Variants in SPATA22 observed in about 807,000 individuals in gnomAD.
SPATA22 encodes spermatogenesis-associated protein 22.
In SPATA22, 29 loss-of-function variants were observed where a neutral mutation model predicts 47.8. That is an observed-to-expected ratio of 0.61 (90% CI 0.45 to 0.83). The LOEUF (loss-of-function observed/expected upper bound fraction) is 0.83. Among genes scored for constraint, SPATA22 ranks in the 40% least tolerant of loss-of-function variants. The pLI, the probability that SPATA22 is intolerant of heterozygous loss-of-function variation, is 0.00. For synonymous variants in SPATA22, 133 were observed against 140.9 expected (o/e 0.94, Z 0.40); for missense variants, 410 against 421.7 (o/e 0.97, Z 0.24).
chr17:3,454,658 C>A (rs2072943395), intron 5 of SPATA22, among the ~76,000 whole-genome samples: 1 of 152,054 alleles, frequency 6.6e-6, no homozygotes, highest in Non-Finnish European at 1.5e-5. Flanking sequence ...CATAGTATTT[C>A]ATGGTGTATA....
chr17:3,466,219 T>G (rs2073310223), intron 3 of SPATA22, among the ~76,000 whole-genome samples: 1 of 150,720 alleles, frequency 6.6e-6, no homozygotes, highest in Non-Finnish European at 1.5e-5. Context: ...TCAGAGATAT[T>G]TTTAAATTCT....
At chr17:3,468,651 G>A (rs192008278) in intron 2 of SPATA22, among the ~76,000 whole-genome samples, 1 of 152,232 alleles carries the variant, frequency 6.6e-6, no homozygotes, top group Admixed American at 6.5e-5. Context: ...AGATTCCTAG[G>A]TTCAAATTCT....
chr17:3,510,675 G>C (rs1173726638), intron 1 of SPATA22: 1 of 152,224 alleles, frequency 6.6e-6, no homozygotes. Flanking sequence ...ATTCAAGGGA[G>C]AATGGGGTGA....
intron 1 of SPATA22, chr17:3,499,197 A>AC: frequency 8.5e-7 from 1 of 1,178,826 alleles, no homozygotes; most frequent in Non-Finnish European, 1.2e-6. Flanking sequence ...AGCTCCTAGC[A>AC]CAGTGCCTTA....
At chr17:3,511,502 CTCCT>C (rs1567625707) in intron 1 of SPATA22, 7 of 152,232 alleles carry the variant, frequency 4.6e-5, no homozygotes, top group Non-Finnish European at 4.4e-5. Context: ...GAAGGAAGTG[CTCCT>C]TTTCACTCTG....
intron 5 of SPATA22, among the ~76,000 whole-genome samples, chr17:3,452,803 T>C (rs2072894151): frequency 6.6e-6 from 1 of 152,034 alleles, no homozygotes; most frequent in African/African-American, 2.4e-5. Flanking sequence ...GATAAATACC[T>C]AGAAACAAGC....
intron 6 of SPATA22, 25 bp downstream of exon 6, chr17:3,448,782 C>A (rs2072786105): frequency 1.3e-6 from 2 of 1,499,214 alleles, no homozygotes; most frequent in Non-Finnish European, 1.8e-6. Context: ...GTAAATAAGT[C>A]ATTAATTTGT....
Position 3,457,032 on chromosome 17 carries a change from A to G in SPATA22, c.329+5451T>C, listed in dbSNP as rs540106150. Among the ~76,000 whole-genome samples the G allele has an allele frequency of 2.9e-3, 448 of 152,296 alleles. 2 individuals carry two copies. Among genetic ancestry groups the G allele is most frequent in the African/African-American group, 0.01 (429 of 41,556 alleles). On this transcript the variant is annotated intron_variant, in intron 5 of 8. Coordinates refer to ENST00000572969, the MANE Select transcript of SPATA22 (RefSeq NM_001170698.2). ...GCTAAAAACTCTCAATAAATTAGGT[A>G]TTGATGGGATGTATCTCAAAATAGT...
intron 1 of SPATA22, chr17:3,471,414 C>T (rs989250341): frequency 1.0e-4 from 99 of 984,438 alleles, no homozygotes; most frequent in Non-Finnish European, 4.1e-5. Context: ...ATCCTGAGGG[C>T]GGGGACCCTC....
At chr17:3,511,576 A>G (rs768368352) in intron 1 of SPATA22, 4 of 152,242 alleles carry the variant, frequency 2.6e-5, no homozygotes, top group Non-Finnish European at 5.9e-5. Flanking sequence ...GTTTTGGCTG[A>G]AAGCCTTTTG....
intron 5 of SPATA22, among the ~76,000 whole-genome samples, chr17:3,450,950 T>C (rs2072845019): frequency 6.6e-6 from 1 of 152,188 alleles, no homozygotes; most frequent in Non-Finnish European, 1.5e-5. Flanking sequence ...CTTTGACTTG[T>C]AAAGAATGCA....
chr17:3,462,156 CCTGT>C (rs2073138635), intron 5 of SPATA22, among the ~76,000 whole-genome samples: 1 of 152,118 alleles, frequency 6.6e-6, no homozygotes, highest in African/African-American at 2.4e-5. Flanking sequence ...AGATATGATT[CCTGT>C]CTATTGTCAA....
chr17:3,458,706 T>A (rs1422519715), intron 5 of SPATA22, among the ~76,000 whole-genome samples: 1 of 151,806 alleles, frequency 6.6e-6, no homozygotes. Flanking sequence ...CCAGGCATAG[T>A]GGCACATGCC....
At chr17:3,468,274 CTTAGGG>C (rs1392094872) in intron 2 of SPATA22, 1 of 152,148 alleles carries the variant, frequency 6.6e-6, no homozygotes, top group Non-Finnish European at 1.5e-5. Flanking sequence ...AACTTTGAAA[CTTAGGG>C]AACTCGAAGG....
intron 1 of SPATA22, among the ~76,000 whole-genome samples, chr17:3,483,818 C>G (rs560692881): frequency 7.2e-5 from 11 of 151,960 alleles, no homozygotes; most frequent in African/African-American, 2.7e-4. Flanking sequence ...ATGTGCCACC[C>G]TGTAATTTTT....
chr17:3,444,622 A>T (rs1037502085), intron 7 of SPATA22, among the ~76,000 whole-genome samples: 4 of 152,116 alleles, frequency 2.6e-5, no homozygotes, highest in African/African-American at 7.2e-5. Flanking sequence ...TCACTGTGCC[A>T]TCTCTTGAGC....
chr17:3,453,319 C>A (rs931067522), intron 5 of SPATA22, among the ~76,000 whole-genome samples: 1 of 152,098 alleles, frequency 6.6e-6, no homozygotes, highest in Non-Finnish European at 1.5e-5. Flanking sequence ...AAATTATACA[C>A]CATGATTAAC....
At chr17:3,455,378 T>C (rs1372735227) in intron 5 of SPATA22, among the ~76,000 whole-genome samples, 1 of 151,634 alleles carries the variant, frequency 6.6e-6, no homozygotes, top group Non-Finnish European at 1.5e-5. Flanking sequence ...CCCATGCCTA[T>C]GTCCTGAATG....
At chr17:3,503,258 T>G (rs938205381) in intron 1 of SPATA22, 1 of 152,198 alleles carries the variant, frequency 6.6e-6, no homozygotes, top group African/African-American at 2.4e-5. Context: ...ACATTTTCAT[T>G]CTTCCAAAGT....
Sources: gnomAD v4.1 joint callset for allele counts (sites outside exome capture counted in the v4.1 genomes callset) on GRCh38, gnomAD v4.1.1 for gene constraint, MANE v1.5 for transcripts, NCBI Gene and HGNC (gene_info 2026-07-23, HGNC 2026-07-21) for gene names.